The following WWC1 variants were observed in gnomAD, a reference collection of about 807,000 sequenced individuals.
WWC1 encodes WW and C2 domain containing 1.
A neutral mutation model predicts 138.4 loss-of-function variants in WWC1; 55 were observed. The observed-to-expected ratio is 0.40, with a 90% CI of 0.32 to 0.50. The LOEUF is 0.50. Among genes scored for constraint, WWC1 ranks in the 20% least tolerant of loss-of-function variants. The probability of loss-of-function intolerance (pLI) is 0.72; values close to 1 mark genes in which losing one functional copy is unlikely to be tolerated. For synonymous variants in WWC1, 524 were observed against 564.9 expected (o/e 0.93, Z 1.03); for missense variants, 1,226 against 1,420.4 (o/e 0.86, Z 2.20).
intron 3 of WWC1, among the ~76,000 whole-genome samples, chr5:168,389,116 A>G (rs950668118): frequency 1.3e-5 from 2 of 152,180 alleles, no homozygotes; most frequent in African/African-American, 4.8e-5. Flanking sequence ...TAAAAACTAA[A>G]GTTGGGCACT....
chr5:168,378,433 T>A (rs915513240), intron 2 of WWC1, among the ~76,000 whole-genome samples: 1 of 152,200 alleles, frequency 6.6e-6, no homozygotes, highest in Non-Finnish European at 1.5e-5. Flanking sequence ...TTAAATTTTT[T>A]AAAAAGGGAA....
chr5:168,293,506 T>C (rs1426158102), intron 1 of WWC1, among the ~76,000 whole-genome samples: 1 of 152,218 alleles, frequency 6.6e-6, no homozygotes, highest in Non-Finnish European at 1.5e-5. Context: ...CTTTCATTCA[T>C]TCATTCATTC....
At chr5:168,322,907 ACT>A (rs1190348651) in intron 1 of WWC1, among the ~76,000 whole-genome samples, 2 of 152,222 alleles carry the variant, frequency 1.3e-5, no homozygotes, top group African/African-American at 4.8e-5. Context: ...TCAAAACAAA[ACT>A]CAACATTCTT....
rs73805111 is a variant in WWC1 at position 168,385,715 on chromosome 5, G to A, written c.433+301G>A. Among the ~76,000 whole-genome samples, 458 of 152,338 alleles carry A rather than the reference G, an allele frequency of 3.0e-3. 5 individuals carry two copies. The highest frequency in any genetic ancestry group is 0.01 in the African/African-American group (431 of 41,576). On this transcript the variant is annotated intron_variant, in intron 3 of 22. Transcript: ENST00000265293. ...GGAATGGGGAATTCTTAGTTAACGAGTACAGAGTTTCAGTTTGGGAAGAAG... is the reference window on the plus strand; with the variant it reads ...GGAATGGGGAATTCTTAGTTAACGAATACAGAGTTTCAGTTTGGGAAGAAG...
At chr5:168,464,634 C>T in intron 20 of WWC1, 95 bp from the exon 21 acceptor site, 1 of 1,535,368 alleles carries the variant, frequency 6.5e-7, no homozygotes, top group Non-Finnish European at 8.8e-7. Context: ...GAGTGGATGC[C>T]TACAAGAGAG....
chr5:168,318,409 C>T (rs1472979167), intron 1 of WWC1, among the ~76,000 whole-genome samples: 7 of 152,236 alleles, frequency 4.6e-5, no homozygotes, highest in Admixed American at 4.6e-4. Flanking sequence ...TCATATTGTG[C>T]AACCATCACC....
chr5:168,418,083 T>G (rs1386155662), intron 9 of WWC1, among the ~76,000 whole-genome samples: 1 of 152,186 alleles, frequency 6.6e-6, no homozygotes, highest in African/African-American at 2.4e-5. Flanking sequence ...TCTTTCTCTA[T>G]TCTCTGTCTC....
At chr5:168,307,406 A>G (rs1770671372) in intron 1 of WWC1, among the ~76,000 whole-genome samples, 1 of 151,972 alleles carries the variant, frequency 6.6e-6, no homozygotes. Context: ...ACTTTCTTCC[A>G]GTTGTACAGT....
At chr5:168,389,607 T>TGG (rs1778328312) in intron 3 of WWC1, among the ~76,000 whole-genome samples, 1 of 147,774 alleles carries the variant, frequency 6.8e-6, no homozygotes, top group African/African-American at 2.5e-5. Flanking sequence ...GTTTTTTTTT[T>TGG]TTTTTTTTTT....
intron 6 of WWC1, among the ~76,000 whole-genome samples, chr5:168,406,858 C>T (rs1033722155): frequency 8.5e-5 from 13 of 152,054 alleles, no homozygotes; most frequent in Non-Finnish European, 1.2e-4. Flanking sequence ...AGGAGAATGG[C>T]GTGAACCCAG....
Position 168,385,240 on chromosome 5 carries a change from C to G in WWC1, c.259C>G (p.Gln87Glu). 1 of 1,614,136 alleles carries G rather than the reference C, an allele frequency of 6.2e-7. No individual in the cohort carries two copies. The highest frequency in any genetic ancestry group is 2.2e-5 in the East Asian group (1 of 44,880). The change falls in exon 3 of 23, where the codon CAA (glutamine) becomes GAA (glutamate). Residue 87 changes from glutamine to glutamate, a missense_variant. By Grantham distance (29) the Gln-to-Glu change is conservative. Coordinates refer to ENST00000265293, the MANE Select transcript of WWC1 (RefSeq NM_015238.3). ...CACTCAGATTGAGGATCCTCGAGTA[C>G]AATGGCGGCGGGAGCAGGAACATAT... ...KTTQIEDPRVQWRREQEHMLK... is the reference protein window; with the variant it reads ...KTTQIEDPRVEWRREQEHMLK...
chr5:168,386,568 TGTATTTTTA>T (rs1439578377), intron 3 of WWC1, among the ~76,000 whole-genome samples: 4 of 151,762 alleles, frequency 2.6e-5, no homozygotes, highest in Admixed American at 6.6e-5. Context: ...AATTTTTTTT[TGTATTTTTA>T]GTAGAGACGG....
At chr5:168,313,595 G>GA (rs753224918) in intron 1 of WWC1, among the ~76,000 whole-genome samples, 3,299 of 125,280 alleles carry the variant, frequency 0.026, 94 homozygotes, top group African/African-American at 0.076. Flanking sequence ...TCTCAAAAAC[G>GA]AAAAAAAAAA....
chr5:168,468,597 GAAAC>G (rs1332467515), intron 22 of WWC1, among the ~76,000 whole-genome samples: 1 of 152,168 alleles, frequency 6.6e-6, no homozygotes, highest in Non-Finnish European at 1.5e-5. Flanking sequence ...TTGAGAATCT[GAAAC>G]AAACAAACAT....
At chr5:168,459,271 A>AAAG (rs1554117282) in intron 19 of WWC1, among the ~76,000 whole-genome samples, 4 of 147,780 alleles carry the variant, frequency 2.7e-5, no homozygotes, top group African/African-American at 1.0e-4. Context: ...AAAAAAAAAA[A>AAAG]AAAGAAAGAA....
intron 1 of WWC1, among the ~76,000 whole-genome samples, chr5:168,321,090 C>A (rs905430835): frequency 6.6e-6 from 1 of 152,148 alleles, no homozygotes; most frequent in Non-Finnish European, 1.5e-5. Flanking sequence ...CTCAGGCCTG[C>A]GTCCCCTGAG....
intron 18 of WWC1, among the ~76,000 whole-genome samples, chr5:168,454,563 C>A (rs1360209460): frequency 6.6e-6 from 1 of 152,204 alleles, no homozygotes; most frequent in Non-Finnish European, 1.5e-5. Context: ...TGCTTCCCTG[C>A]TGCACTAGGG....
chr5:168,303,601 C>A (rs1770285779), intron 1 of WWC1, among the ~76,000 whole-genome samples: 2 of 152,088 alleles, frequency 1.3e-5, no homozygotes, highest in African/African-American at 2.4e-5. Context: ...AGAGTGAGAT[C>A]ATCTCAAGAA....
chr5:168,439,023 G>T (rs10068468), intron 15 of WWC1, among the ~76,000 whole-genome samples: 11,104 of 152,032 alleles, frequency 0.073, 716 homozygotes, highest in East Asian at 0.16. Context: ...AATTTCTTTT[G>T]CATCTTTCCA....
Sources: allele counts gnomAD v4.1 joint callset (sites outside exome capture counted in the v4.1 genomes callset), GRCh38; gene constraint gnomAD v4.1.1; transcripts MANE v1.5; gene names NCBI Gene and HGNC (gene_info 2026-07-23, HGNC 2026-07-21).